The following KANK1 variants were observed in gnomAD, a reference collection of about 807,000 sequenced individuals.
KANK1 encodes KN motif and ankyrin repeat domains 1.
Under a neutral mutation model 106.2 loss-of-function variants are expected in KANK1, and 109 were observed. The observed-to-expected ratio is 1.03, with a 90% CI of 0.88 to 1.20. The LOEUF (loss-of-function observed/expected upper bound fraction) is 1.20. Ranked by LOEUF, KANK1 falls within the 50% of genes most tolerant of loss-of-function variation. The pLI, the probability that KANK1 is intolerant of heterozygous loss-of-function variation, is 0.00. For missense variants in KANK1, 2,399 were observed against 1,710.7 expected, an observed-to-expected ratio of 1.40 and a Z score of -7.10; for synonymous variants, 873 against 652.2, an observed-to-expected ratio of 1.34 and a Z score of -5.16.
intron 1 of KANK1, among the ~76,000 whole-genome samples, chr9:530,388 G>T (rs995046415): frequency 1.3e-5 from 2 of 152,028 alleles, no homozygotes; most frequent in African/African-American, 4.8e-5. Flanking sequence ...TATCCATATT[G>T]AATTTATTTT....
chr9:630,973 A>G (rs1835584676), intron 1 of KANK1, among the ~76,000 whole-genome samples: 1 of 152,114 alleles, frequency 6.6e-6, no homozygotes, highest in African/African-American at 2.4e-5. Flanking sequence ...AAACAAAACA[A>G]AAAGTGCTTA....
chr9:488,790 C>G (rs527759080), intron 3 of KANK1, among the ~76,000 whole-genome samples: 16 of 152,108 alleles, frequency 1.1e-4, no homozygotes, highest in African/African-American at 3.9e-4. Flanking sequence ...TATTATTATT[C>G]TAAGAATAGC....
At chr9:632,909 G>T (rs947326784) in intron 1 of KANK1, among the ~76,000 whole-genome samples, 2 of 152,160 alleles carry the variant, frequency 1.3e-5, no homozygotes, top group Admixed American at 6.5e-5. Flanking sequence ...TGCCAGGCTG[G>T]TCTGGAACTC....
chr9:477,595 A>C (rs1333931997), intron 3 of KANK1, among the ~76,000 whole-genome samples: 1 of 152,220 alleles, frequency 6.6e-6, no homozygotes, highest in African/African-American at 2.4e-5. Flanking sequence ...GGGAAAAGTG[A>C]GTTTTATGTA....
At chr9:726,903 T>A (rs1452167339) in intron 3 of KANK1, among the ~76,000 whole-genome samples, 1 of 152,194 alleles carries the variant, frequency 6.6e-6, no homozygotes, top group Non-Finnish European at 1.5e-5. Context: ...GAGGTTGCAG[T>A]GAGCCAGGAT....
chr9:672,254 A>C (rs74307574), intron 1 of KANK1, among the ~76,000 whole-genome samples: 7,013 of 152,244 alleles, frequency 0.046, 435 homozygotes, highest in East Asian at 0.22. Context: ...AATGGAGAGA[A>C]GGGGTAGTAC....
At chr9:633,458 AAAAAC>A (rs1209938717) in intron 1 of KANK1, among the ~76,000 whole-genome samples, 3 of 152,102 alleles carry the variant, frequency 2.0e-5, no homozygotes, top group Admixed American at 6.5e-5. Context: ...ACTCCGTCTC[AAAAAC>A]AAAACAAAAC....
intron 1 of KANK1, among the ~76,000 whole-genome samples, chr9:567,873 A>G (rs1291080181): frequency 6.6e-6 from 1 of 152,210 alleles, no homozygotes; most frequent in East Asian, 1.9e-4. Context: ...TATAACTTTA[A>G]GAGGCCCAGT....
intron 1 of KANK1, among the ~76,000 whole-genome samples, chr9:539,879 T>A (rs2060499222): frequency 6.6e-6 from 1 of 152,228 alleles, no homozygotes; most frequent in Non-Finnish European, 1.5e-5. Flanking sequence ...GCTACTGATT[T>A]TTATATGTTG....
chr9:710,747 G>C (rs896942276), intron 2 of KANK1, 57 bp from the exon 3 acceptor site: 15 of 1,469,074 alleles, frequency 1.0e-5, no homozygotes, highest in Non-Finnish European at 1.4e-5. Flanking sequence ...ACAAATATTA[G>C]TTTTTACCAT....
At chr9:740,709 C>A in intron 8 of KANK1, 83 bp from the exon 9 acceptor site, 1 of 1,449,636 alleles carries the variant, frequency 6.9e-7, no homozygotes, top group South Asian at 1.3e-5. Context: ...CTCCTGTAAA[C>A]ACCATCCCTT....
chr9:591,328 G>A (rs570096971), intron 1 of KANK1, among the ~76,000 whole-genome samples: 1 of 151,882 alleles, frequency 6.6e-6, no homozygotes, highest in East Asian at 1.9e-4. Flanking sequence ...AAGTAAGAAT[G>A]CCTTGGTATT....
intron 1 of KANK1, among the ~76,000 whole-genome samples, chr9:505,389 C>T (rs879888013): frequency 2.6e-5 from 4 of 152,196 alleles, no homozygotes; most frequent in Non-Finnish European, 5.9e-5. Context: ...TCTGGGGCGG[C>T]CCAACCCGGC....
intron 1 of KANK1, among the ~76,000 whole-genome samples, chr9:675,201 T>A (rs1816146028): frequency 6.6e-6 from 1 of 152,206 alleles, no homozygotes; most frequent in South Asian, 2.1e-4. Context: ...GTTTTTCTTT[T>A]AACCAACATA....
At chr9:678,945 G>A (rs1252348629) in intron 2 of KANK1, among the ~76,000 whole-genome samples, 1 of 152,090 alleles carries the variant, frequency 6.6e-6, no homozygotes, top group Admixed American at 6.5e-5. Flanking sequence ...TTCTTCTGGT[G>A]CCTTGGGCAA....
intron 2 of KANK1, chr9:680,835 C>G (rs922888530): frequency 6.6e-6 from 1 of 152,426 alleles, no homozygotes; most frequent in Non-Finnish European, 1.5e-5. Context: ...CCATCAAAAT[C>G]AATCTTCCCT....
intron 1 of KANK1, among the ~76,000 whole-genome samples, chr9:614,241 G>A (rs1215329656): frequency 2.6e-5 from 4 of 152,108 alleles, no homozygotes; most frequent in Admixed American, 2.0e-4. Flanking sequence ...TAGCAGATGG[G>A]GATAATTTTT....
intron 1 of KANK1, among the ~76,000 whole-genome samples, chr9:509,501 A>G (rs777140487): frequency 2.6e-5 from 4 of 152,148 alleles, no homozygotes; most frequent in Non-Finnish European, 5.9e-5. Flanking sequence ...CTAATATTCA[A>G]TTTTGTATTT....
chr9:684,521 C>T (rs1818170941), intron 2 of KANK1: 1 of 985,284 alleles, frequency 1.0e-6, no homozygotes, highest in Admixed American at 6.1e-5. Context: ...AACAGCCCTT[C>T]CTACAAGGAT....
Sources: gnomAD v4.1 joint callset for allele counts (sites outside exome capture counted in the v4.1 genomes callset) on GRCh38, gnomAD v4.1.1 for gene constraint, MANE v1.5 for transcripts, NCBI Gene and HGNC (gene_info 2026-07-23, HGNC 2026-07-21) for gene names.